The following WDR49 variants were observed in gnomAD, a reference collection of about 807,000 sequenced individuals.
The protein encoded by WDR49 is cilia- and flagella-associated protein 337.
Under a neutral mutation model 119.5 loss-of-function variants are expected in WDR49, and 107 were observed. The observed-to-expected ratio is 0.90, with a 90% CI of 0.77 to 1.05. The LOEUF is 1.05. WDR49 is among the 50% of genes least tolerant of loss of function. The pLI is 0.00. For missense variants in WDR49, 1,240 were observed against 1,220.5 expected (o/e 1.02, Z -0.24); for synonymous variants, 425 against 418.8 (o/e 1.01, Z -0.18).
At chr3:167,577,981 G>A (rs1714334417) in intron 7 of WDR49, among the ~76,000 whole-genome samples, 1 of 151,982 alleles carries the variant, frequency 6.6e-6, no homozygotes, top group African/African-American at 2.4e-5. Context: ...ATACTAACAG[G>A]TCCTAGGAAT....
intron 2 of WDR49, among the ~76,000 whole-genome samples, chr3:167,627,645 C>T (rs899849466): frequency 5.9e-5 from 9 of 152,042 alleles, no homozygotes; most frequent in African/African-American, 2.2e-4. Flanking sequence ...AGGAAAGGTT[C>T]TCCCCTAGAA....
At chr3:167,522,944 T>C (rs551532128) in intron 15 of WDR49, among the ~76,000 whole-genome samples, 1 of 152,330 alleles carries the variant, frequency 6.6e-6, no homozygotes, top group East Asian at 1.9e-4. Flanking sequence ...GTGTGTTATA[T>C]AATAGTTTTC....
intron 2 of WDR49, 99 bp downstream of exon 2, chr3:167,653,162 G>T: frequency 7.7e-7 from 1 of 1,291,956 alleles, no homozygotes. Context: ...TAACAATTAA[G>T]TGTATTTTTT....
chr3:167,568,980 T>A (rs2108277661), intron 8 of WDR49, among the ~76,000 whole-genome samples: 1 of 152,016 alleles, frequency 6.6e-6, no homozygotes, highest in African/African-American at 2.4e-5. Context: ...TCTTGCTCTG[T>A]CGCCCAGGTT....
chr3:167,551,361 A>G (rs1712558879), intron 10 of WDR49, among the ~76,000 whole-genome samples: 1 of 152,182 alleles, frequency 6.6e-6, no homozygotes, highest in African/African-American at 2.4e-5. Flanking sequence ...AGAGTAAGCT[A>G]TATATCTGAG....
intron 10 of WDR49, among the ~76,000 whole-genome samples, chr3:167,540,478 T>C (rs1321888034): frequency 1.3e-4 from 20 of 151,966 alleles, no homozygotes; most frequent in Non-Finnish European, 4.4e-5. Flanking sequence ...GCCCCATCCC[T>C]AGGGGAAGGG....
In WDR49 at chr3:167,554,686, T is replaced by TGGTACATA; in HGVS notation, c.1786_1787insTATGTACC (p.Glu596ValfsTer14). ...TTTCCATGAGGCATAATCATACCTC[T>TGGTACATA]CCCAGCCTGTAACCAGTATTTTCTT... On this transcript the variant is annotated frameshift_variant, in exon 10 of 19. Transcript: ENST00000682715. LOFTEE classifies it high-confidence loss of function. The TGGTACATA allele has an allele frequency of 6.2e-7, 1 of 1,610,206 alleles. No individual in the cohort carries two copies. The highest frequency in any genetic ancestry group is 8.5e-7 in the Non-Finnish European group (1 of 1,177,194).
At chr3:167,515,355 T>A (rs142828273) in intron 16 of WDR49, among the ~76,000 whole-genome samples, 1 of 152,258 alleles carries the variant, frequency 6.6e-6, no homozygotes, top group African/African-American at 2.4e-5. Flanking sequence ...ATAAACGTAA[T>A]TCATCACATA....
intron 8 of WDR49, chr3:167,566,859 A>G: frequency 1.5e-6 from 1 of 687,112 alleles, no homozygotes; most frequent in South Asian, 1.6e-5. Context: ...AATTATCATA[A>G]GGGTCTTCAT....
chr3:167,514,628 G>GACACACAC (rs59265631), intron 16 of WDR49, among the ~76,000 whole-genome samples: 70 of 141,026 alleles, frequency 5.0e-4, no homozygotes, highest in African/African-American at 1.1e-3. Context: ...AGGAGATGCA[G>GACACACAC]ACACACACAC....
At chr3:167,610,324 G>C (rs527899667) in intron 5 of WDR49, among the ~76,000 whole-genome samples, 30 of 152,320 alleles carry the variant, frequency 2.0e-4, no homozygotes, top group African/African-American at 7.0e-4. Flanking sequence ...TGAAGGGTAA[G>C]TCTCAGGTCA....
intron 10 of WDR49, among the ~76,000 whole-genome samples, chr3:167,544,696 A>T (rs1355909508): frequency 6.6e-6 from 1 of 152,132 alleles, no homozygotes. Flanking sequence ...TCAATGCAAG[A>T]TGGATCAAAT....
intron 8 of WDR49, among the ~76,000 whole-genome samples, chr3:167,565,917 A>T (rs1474511748): frequency 2.0e-5 from 3 of 152,218 alleles, no homozygotes; most frequent in Non-Finnish European, 4.4e-5. Context: ...ATCTTTATAT[A>T]TAAGATCATT....
At chr3:167,498,092 G>A (rs1023032859) in intron 18 of WDR49, among the ~76,000 whole-genome samples, 2 of 151,942 alleles carry the variant, frequency 1.3e-5, no homozygotes, top group Non-Finnish European at 2.9e-5. Context: ...CACCTGCCTC[G>A]GTCTCCCAAT....
At chr3:167,547,066 C>T (rs1200525163) in intron 10 of WDR49, among the ~76,000 whole-genome samples, 2 of 151,656 alleles carry the variant, frequency 1.3e-5, no homozygotes, top group African/African-American at 4.8e-5. Context: ...AATACCTGCC[C>T]CCTCTTTCCC....
chr3:167,517,414 A>G (rs1450612331), intron 16 of WDR49, among the ~76,000 whole-genome samples: 2 of 152,190 alleles, frequency 1.3e-5, no homozygotes, highest in Admixed American at 6.5e-5. Flanking sequence ...AAAACAAGCA[A>G]TGAAGAAAGG....
At chr3:167,559,871 A>G (rs1271193009) in intron 9 of WDR49, among the ~76,000 whole-genome samples, 193 bp downstream of exon 9, 1 of 152,190 alleles carries the variant, frequency 6.6e-6, no homozygotes, top group African/African-American at 2.4e-5. Flanking sequence ...AAAATTATTT[A>G]TTCATTTTTC....
At chr3:167,628,191 C>A (rs1222759011) in intron 2 of WDR49, among the ~76,000 whole-genome samples, 12 of 151,960 alleles carry the variant, frequency 7.9e-5, no homozygotes, top group Non-Finnish European at 1.8e-4. Context: ...TTTTGAGACA[C>A]AAAAATATTG....
chr3:167,580,080 G>C (rs751540832), intron 7 of WDR49, among the ~76,000 whole-genome samples: 1 of 152,068 alleles, frequency 6.6e-6, no homozygotes, highest in Non-Finnish European at 1.5e-5. Flanking sequence ...ATTAAAAACA[G>C]GTGAGCCATA....
Sources: gnomAD v4.1 joint callset for allele counts (sites outside exome capture counted in the v4.1 genomes callset) on GRCh38, gnomAD v4.1.1 for gene constraint, MANE v1.5 for transcripts, NCBI Gene and HGNC (gene_info 2026-07-23, HGNC 2026-07-21) for gene names.